The following LRRC4C variants were observed in gnomAD, a reference collection of about 807,000 sequenced individuals.
The protein encoded by LRRC4C is leucine-rich repeat-containing protein 4C.
Under a neutral mutation model 33.6 loss-of-function variants are expected in LRRC4C, and 5 were observed. The ratio of observed to expected loss-of-function variants is 0.15; its 90% CI spans 0.08 to 0.31. LRRC4C has a LOEUF of 0.31. Among genes scored for constraint, LRRC4C ranks in the 10% least tolerant of loss-of-function variants. LRRC4C has a pLI of 1.00. For missense variants in LRRC4C, 560 were observed against 796.7 expected (o/e 0.70, Z 3.58); for synonymous variants, 329 against 302.0 (o/e 1.09, Z -0.93).
chr11:40,927,166 G>C (rs1957438028), intron 2 of LRRC4C, among the ~76,000 whole-genome samples: 1 of 152,100 alleles, frequency 6.6e-6, no homozygotes. Context: ...ATGAGGTCAG[G>C]AGTTCGAGAC....
At chr11:40,702,766 G>T (rs965518444) in intron 2 of LRRC4C, among the ~76,000 whole-genome samples, 1 of 151,164 alleles carries the variant, frequency 6.6e-6, no homozygotes, top group Non-Finnish European at 1.5e-5. Flanking sequence ...TTCTAAATTT[G>T]CCTCTGCATC....
chr11:40,486,426 T>C (rs1194721251), intron 3 of LRRC4C, among the ~76,000 whole-genome samples: 1 of 151,842 alleles, frequency 6.6e-6, no homozygotes, highest in African/African-American at 2.4e-5. Flanking sequence ...AGGGGGAAAA[T>C]AGGAAATTAT....
chr11:41,305,088 G>A (rs1257370690), intron 1 of LRRC4C, among the ~76,000 whole-genome samples: 2 of 57,606 alleles, frequency 3.5e-5, no homozygotes, highest in Non-Finnish European at 4.0e-5. Context: ...CGCCCCGTCC[G>A]GGAGGGAGGT....
chr11:41,213,593 C>CA (rs1946913960), intron 1 of LRRC4C, among the ~76,000 whole-genome samples: 1 of 152,144 alleles, frequency 6.6e-6, no homozygotes, highest in African/African-American at 2.4e-5. Flanking sequence ...GATCACATTA[C>CA]GTTTTTTGAG....
At chr11:40,200,180 TAAAAAAAAAAAAAAAAAAAAAA>T (rs56269292) in intron 5 of LRRC4C, among the ~76,000 whole-genome samples, 6 of 26,030 alleles carry the variant, frequency 2.3e-4, no homozygotes, top group Non-Finnish European at 3.5e-4. Flanking sequence ...CTGTCTCCAC[TAAAAAAAAAAAAAAAAAAAAAA>T]AAAAAAAAAA....
chr11:41,165,211 A>G (rs544370997), intron 1 of LRRC4C, among the ~76,000 whole-genome samples: 1 of 151,878 alleles, frequency 6.6e-6, no homozygotes, highest in East Asian at 1.9e-4. Context: ...CTTTTTCTCA[A>G]TCCTTTGACT....
chr11:40,507,077 G>A (rs1409505829), intron 3 of LRRC4C, among the ~76,000 whole-genome samples: 7 of 151,930 alleles, frequency 4.6e-5, no homozygotes, highest in Non-Finnish European at 7.4e-5. Flanking sequence ...AACACTACAT[G>A]TATTAAAAAT....
Position 40,997,419 on chromosome 11 carries a change from G to A in LRRC4C, c.-495-63696C>T, listed in dbSNP as rs773833435. 2.6e-4 allele frequency among the ~76,000 whole-genome samples: 39 copies of A among 152,058 alleles called. 1 individual carries two copies. The highest frequency in any genetic ancestry group is 1.3e-4 in the Non-Finnish European group (9 of 68,002). On this transcript the variant is annotated intron_variant, in intron 1 of 6. Transcript: ENST00000528697. ...CAAAGATGTCAGATGTTGCAGAGAC[G>A]TCAAAAGAGAAAATGACTCAATAGC...
At chr11:40,908,656 G>A (rs909720690) in intron 2 of LRRC4C, among the ~76,000 whole-genome samples, 52 of 152,108 alleles carry the variant, frequency 3.4e-4, no homozygotes, top group African/African-American at 1.0e-3. Flanking sequence ...ATGAAGAAGT[G>A]CTCTTGCCCT....
At chr11:40,496,966 C>G (rs117729013) in intron 3 of LRRC4C, among the ~76,000 whole-genome samples, 2,096 of 152,242 alleles carry the variant, frequency 0.014, 24 homozygotes, top group South Asian at 0.043. Flanking sequence ...GTGTTCTTAG[C>G]GTCCTCTCAT....
At chr11:41,068,675 C>T (rs749611265) in intron 1 of LRRC4C, among the ~76,000 whole-genome samples, 9 of 152,034 alleles carry the variant, frequency 5.9e-5, no homozygotes, top group Non-Finnish European at 1.2e-4. Context: ...CCCCAAAACA[C>T]CTTCATACAC....
intron 2 of LRRC4C, among the ~76,000 whole-genome samples, chr11:40,739,910 G>GTA (rs1397910736): frequency 2.6e-5 from 4 of 151,640 alleles, no homozygotes; most frequent in African/African-American, 9.7e-5. Context: ...ATGTATGTAT[G>GTA]TGTGTGTGTA....
In LRRC4C at chr11:41,160,774, A is replaced by T. The variant is rs537742940; in HGVS notation, c.-495-227051T>A. Among the ~76,000 whole-genome samples the T allele has an allele frequency of 3.3e-5, 5 of 152,308 alleles. No homozygotes were observed. In the South Asian group the frequency reaches 1.0e-3, roughly 32 times the overall value. On this transcript the variant is annotated intron_variant, in intron 1 of 6. Transcript: ENST00000528697. ...CAAATGACTATTGTACAATTTGCTT[A>T]GTGCTAAGGAAGTTTGTACATATTG...
intron 3 of LRRC4C, among the ~76,000 whole-genome samples, chr11:40,406,463 C>T (rs1301705271): frequency 6.6e-6 from 1 of 152,048 alleles, no homozygotes; most frequent in African/African-American, 2.4e-5. Context: ...ATGTCATTCA[C>T]CATTATATTT....
chr11:40,126,374 C>T (rs950253152), intron 6 of LRRC4C, among the ~76,000 whole-genome samples: 3 of 152,036 alleles, frequency 2.0e-5, no homozygotes, highest in African/African-American at 7.2e-5. Flanking sequence ...GATGTTCTGA[C>T]TACAGAGAAC....
chr11:40,630,850 T>G (rs1963426916), intron 3 of LRRC4C, among the ~76,000 whole-genome samples: 1 of 152,168 alleles, frequency 6.6e-6, no homozygotes, highest in Admixed American at 6.5e-5. Flanking sequence ...TTGTAAGACA[T>G]AGAGAGTTTT....
At chr11:41,161,425 C>G (rs1944466216) in intron 1 of LRRC4C, among the ~76,000 whole-genome samples, 1 of 152,142 alleles carries the variant, frequency 6.6e-6, no homozygotes, top group African/African-American at 2.4e-5. Context: ...ATGTAATATT[C>G]TCTTAAGTGC....
intron 2 of LRRC4C, among the ~76,000 whole-genome samples, chr11:40,826,466 C>G (rs998011081): frequency 6.6e-6 from 1 of 151,782 alleles, no homozygotes; most frequent in Non-Finnish European, 1.5e-5. Context: ...GAGATTCTGC[C>G]CAAGGGTATG....
intron 1 of LRRC4C, among the ~76,000 whole-genome samples, chr11:40,984,149 T>TAAAG (rs890139435): frequency 2.8e-4 from 32 of 112,442 alleles, no homozygotes; most frequent in African/African-American, 7.4e-4. Flanking sequence ...AAGAAAAAAG[T>TAAAG]AAAGAAAGAA....
Sources: allele counts gnomAD v4.1 joint callset (sites outside exome capture counted in the v4.1 genomes callset), GRCh38; gene constraint gnomAD v4.1.1; transcripts MANE v1.5; gene names NCBI Gene and HGNC (gene_info 2026-07-23, HGNC 2026-07-21).